PIN1: variants seen among roughly 807,000 people sequenced by gnomAD.
PIN1 encodes peptidyl-prolyl cis-trans isomerase NIMA-interacting 1.
PIN1 carries 8 observed loss-of-function variants against 19.9 expected under a neutral mutation model. The observed-to-expected ratio is 0.40, with a 90% CI of 0.24 to 0.72. The LOEUF (loss-of-function observed/expected upper bound fraction) is 0.72. PIN1 is among the 30% of genes least tolerant of loss of function. The pLI is 0.37. For synonymous variants in PIN1, 86 were observed against 90.8 expected, an observed-to-expected ratio of 0.95 and a Z score of 0.30; for missense variants, 185 against 226.5, an observed-to-expected ratio of 0.82 and a Z score of 1.18.
At chr19:9,841,327 G>A (rs2046163934) in intron 2 of PIN1, among the ~76,000 whole-genome samples, 1 of 152,174 alleles carries the variant, frequency 6.6e-6, no homozygotes, top group Admixed American at 6.6e-5. Flanking sequence ...TCTTTCCCCT[G>A]TATTCCCATC....
At chr19:9,836,674 C>A (rs2046109232) in intron 1 of PIN1, 2 of 401,198 alleles carry the variant, frequency 5.0e-6, no homozygotes, top group Admixed American at 5.8e-5. Flanking sequence ...CTCCTTCATA[C>A]CCCTCACTCC....
intron 1 of PIN1, chr19:9,837,013 G>C (rs552401009): frequency 2.1e-6 from 1 of 465,982 alleles, no homozygotes; most frequent in African/African-American, 2.0e-5. Flanking sequence ...TTTTGGAGAT[G>C]GTCTCACTGT....
In PIN1 at chr19:9,846,800, G is replaced by A. The variant is rs2046224454; in HGVS notation, c.272-1230G>A. 6.6e-6 allele frequency among the ~76,000 whole-genome samples: 1 copy of A among 152,182 alleles called. No homozygotes were observed. The highest frequency in any genetic ancestry group is 6.5e-5 in the Admixed American group (1 of 15,278). ...TGTCATGGCATCATTTAGGTCAGAA[G>A]GAGCAAGGGTAGAAGTGTCAGGGTG... On this transcript the variant is annotated intron_variant, in intron 2 of 3. Coordinates refer to ENST00000247970, the MANE Select transcript of PIN1 (RefSeq NM_006221.4). This position sits in a 1 kb window ranked among gnomAD's most constrained non-coding sequence, Gnocchi z 5.9.
rs112773610 is a variant in PIN1 at position 9,849,135 on chromosome 19, C to T, written c.428C>T (p.Thr143Met). The T allele has an allele frequency of 6.8e-6, 11 of 1,613,702 alleles. No homozygotes were observed. The highest frequency in any genetic ancestry group is 8.5e-6 in the Non-Finnish European group (10 of 1,179,820). ...GAAGACGCCTCGTTTGCGCTGCGGA[C>T]GGGGGAGATGAGCGGGCCCGTGTTC... ...PFEDASFALR[T>M]GEMSGPVFTD... Residue 143 changes from threonine to methionine, a missense_variant, in exon 4 of 4, where the codon ACG becomes ATG. By Grantham distance (81) the Thr-to-Met change is moderately conservative. Transcript: ENST00000247970.
intron 2 of PIN1, among the ~76,000 whole-genome samples, chr19:9,844,279 A>G (rs1374283766): frequency 6.6e-6 from 1 of 151,930 alleles, no homozygotes; most frequent in Non-Finnish European, 1.5e-5. Flanking sequence ...TCACTGATTC[A>G]CTCCTTGGAA....
chr19:9,842,451 C>T (rs1046621885), intron 2 of PIN1, among the ~76,000 whole-genome samples: 1 of 152,162 alleles, frequency 6.6e-6, no homozygotes, highest in Non-Finnish European at 1.5e-5. Context: ...GTGCTCTGCA[C>T]GGTGGAGCCT....
Position 9,849,408 on chromosome 19 carries a change from G to A in PIN1, c.*209G>A, listed in dbSNP as rs1322377292. 3 of 734,864 alleles carry A rather than the reference G, an allele frequency of 4.1e-6. No homozygotes were observed. The South Asian group carries it at 4.2e-5, about 10-fold the overall frequency. The allele number at this position is 734,864 out of a possible 1,614,324, so 45.5% of individuals were successfully genotyped here. On this transcript the variant is annotated 3_prime_UTR_variant, in exon 4 of 4. Transcript: ENST00000247970. ...TCCATCCCCAGTTGGGGCTGCGACC[G>A]CCAGATTCTCCCTTAAGGAATTGAC...
chr19:9,842,799 G>C (rs930428533), intron 2 of PIN1, among the ~76,000 whole-genome samples: 1 of 152,218 alleles, frequency 6.6e-6, no homozygotes, highest in Admixed American at 6.5e-5. Flanking sequence ...CTTCCATGAA[G>C]TGGATGTTCT....
At chr19:9,840,501 C>G (rs760291826) in intron 2 of PIN1, among the ~76,000 whole-genome samples, 4 of 152,246 alleles carry the variant, frequency 2.6e-5, no homozygotes, top group Admixed American at 6.5e-5. Context: ...AACAACCCAT[C>G]TCTCAACCAT....
chr19:9,845,890 C>G (rs2046215710), intron 2 of PIN1, among the ~76,000 whole-genome samples: 1 of 152,138 alleles, frequency 6.6e-6, no homozygotes, highest in Non-Finnish European at 1.5e-5. Context: ...GGGCCTGGCT[C>G]CTCAGACGCT....
At chr19:9,836,507 C>T (rs1160055866) in intron 1 of PIN1, 2 of 213,930 alleles carry the variant, frequency 9.3e-6, no homozygotes, top group Non-Finnish European at 2.0e-5. Flanking sequence ...AAACCGGATG[C>T]TCTGCCCAGC....
At chr19:9,848,870 A>T (rs1180208885) in intron 3 of PIN1, among the ~76,000 whole-genome samples, 1 of 152,048 alleles carries the variant, frequency 6.6e-6, no homozygotes, top group Non-Finnish European at 1.5e-5. Context: ...GCTATCCTTC[A>T]TGCTGTCCTC....
intron 2 of PIN1, among the ~76,000 whole-genome samples, chr19:9,844,720 T>C (rs887814895): frequency 4.6e-5 from 7 of 152,280 alleles, no homozygotes; most frequent in African/African-American, 7.2e-5. Context: ...CACATTGTCT[T>C]GGAGGAGGCC....
chr19:9,841,744 C>T (rs2145413198), intron 2 of PIN1, among the ~76,000 whole-genome samples: 1 of 152,246 alleles, frequency 6.6e-6, no homozygotes, highest in South Asian at 2.1e-4. Context: ...GAGGGAGAAG[C>T]CAGGAGAGAA....
At position 9,835,613 on chromosome 19, in the gene PIN1, G is replaced by T. The variant is rs946190689; in HGVS notation, c.58+211G>T. The T allele has an allele frequency of 1.2e-5, 6 of 506,326 alleles. No individual in the cohort carries two copies. The South Asian group carries it at 1.7e-4, about 14-fold the overall frequency. 31.4% of individuals were successfully genotyped at this position (506,326 alleles called of 1,614,324 possible). A position where few individuals can be genotyped will look rare whatever the true frequency, so the allele number is the denominator to read the frequency against. ...GAAGCCTGAGGAAGCTGAGGCAGGG[G>T]GCTGGGCGGGTGAGGGTCCGGGGAG... is the stretch of plus-strand genomic sequence containing the variant. On this transcript the variant is annotated intron_variant, in intron 1 of 3. Transcript: ENST00000247970.
intron 1 of PIN1, chr19:9,836,427 A>G: frequency 5.5e-6 from 1 of 181,232 alleles, no homozygotes; most frequent in Non-Finnish European, 1.2e-5. Flanking sequence ...GCTCAGCTGC[A>G]TTTGCACCTG....
chr19:9,835,468 C>CAAGGGGCGAG, intron 1 of PIN1, 66 bp downstream of exon 1: 1 of 1,158,786 alleles, frequency 8.6e-7, no homozygotes, highest in Non-Finnish European at 1.1e-6. Context: ...CGAGCTCGCC[C>CAAGGGGCGAG]CTTGGGCGCG....
intron 2 of PIN1, among the ~76,000 whole-genome samples, chr19:9,844,717 T>C (rs1049132922): frequency 1.3e-5 from 2 of 152,286 alleles, no homozygotes; most frequent in South Asian, 4.1e-4. Flanking sequence ...TGACACATTG[T>C]CTTGGAGGAG....
chr19:9,838,035 A>C lies in PIN1; in HGVS notation c.59-401A>C. ...AGGTGAGAACACCAAGGCCCAGGGA[A>C]GATATATCACATTTGAACCCAGATT... is the stretch of plus-strand genomic sequence containing the variant. On this transcript the variant is annotated intron_variant, in intron 1 of 3. Coordinates refer to ENST00000247970, the MANE Select transcript of PIN1 (RefSeq NM_006221.4). This position sits in a 1 kb window ranked among gnomAD's most constrained non-coding sequence, Gnocchi z 5.8. 2.9e-5 allele frequency: 9 copies of C among 308,112 alleles called. No individual in the cohort carries two copies. Among genetic ancestry groups the C allele is most frequent in the East Asian group, 8.3e-5 (1 of 12,058 alleles). The allele number at this position is 308,112 out of a possible 1,614,324, so 19.1% of individuals were successfully genotyped here. A position where few individuals can be genotyped will look rare whatever the true frequency, so the allele number is the denominator to read the frequency against.
Sources: allele counts gnomAD v4.1 joint callset (sites outside exome capture counted in the v4.1 genomes callset), GRCh38; gene constraint gnomAD v4.1.1; non-coding constraint Gnocchi (gnomAD v3.1); transcripts MANE v1.5; gene names NCBI Gene and HGNC (gene_info 2026-07-23, HGNC 2026-07-21).